OPTN: variants seen among roughly 807,000 people sequenced by gnomAD.
OPTN encodes optineurin.
OPTN carries 54 observed loss-of-function variants against 70.4 expected under a neutral mutation model. The observed-to-expected ratio is 0.77, with a 90% CI of 0.62 to 0.96. The LOEUF is 0.96. Among genes scored for constraint, OPTN ranks in the 40% least tolerant of loss-of-function variants. The probability of loss-of-function intolerance (pLI) is 0.00; values close to 1 mark genes in which losing one functional copy is unlikely to be tolerated. For missense variants in OPTN, 624 were observed against 673.2 expected (o/e 0.93, Z 0.81); for synonymous variants, 256 against 248.5 (o/e 1.03, Z -0.28).
intron 11 of OPTN, among the ~76,000 whole-genome samples, chr10:13,126,453 T>C (rs1177203035): frequency 6.6e-6 from 1 of 151,664 alleles, no homozygotes; most frequent in East Asian, 1.9e-4. Flanking sequence ...GCTAATTTTT[T>C]GTATTTTTAG....
At chr10:13,107,182 C>G (rs1832883402) in intron 1 of OPTN, among the ~76,000 whole-genome samples, 1 of 151,836 alleles carries the variant, frequency 6.6e-6, no homozygotes, top group African/African-American at 2.4e-5. Context: ...CGAGACCGGC[C>G]TGGCTAACAT....
At chr10:13,124,430 G>C (rs1425693989) in intron 9 of OPTN, among the ~76,000 whole-genome samples, 1 of 152,178 alleles carries the variant, frequency 6.6e-6, no homozygotes, top group East Asian at 1.9e-4. Context: ...ACATTGATGT[G>C]AGTAAGCATA....
chr10:13,131,422 G>A (rs932935936), intron 12 of OPTN: 2 of 153,180 alleles, frequency 1.3e-5, no homozygotes, highest in Non-Finnish European at 2.9e-5. Context: ...GACCACACAT[G>A]GGACATGGAT....
intron 14 of OPTN, among the ~76,000 whole-genome samples, chr10:13,136,387 G>A (rs1444570708): frequency 6.8e-6 from 1 of 147,306 alleles, no homozygotes; most frequent in Non-Finnish European, 1.5e-5. Context: ...GCGCACCTGT[G>A]ATCCCAGCTA....
chr10:13,112,005 G>C (rs553729717), intron 4 of OPTN, among the ~76,000 whole-genome samples: 1 of 151,196 alleles, frequency 6.6e-6, no homozygotes, highest in Admixed American at 6.6e-5. Flanking sequence ...CCGCCACCAC[G>C]CCCAGCTAAT....
At chr10:13,107,965 C>A (rs932354619) in intron 1 of OPTN, among the ~76,000 whole-genome samples, 173 bp from the exon 2 acceptor site, 2 of 152,202 alleles carry the variant, frequency 1.3e-5, no homozygotes. Context: ...GGGATTTACT[C>A]ATTGGTCTTG....
At chr10:13,107,125 A>C (rs1371483059) in intron 1 of OPTN, among the ~76,000 whole-genome samples, 2 of 152,118 alleles carry the variant, frequency 1.3e-5, no homozygotes, top group Admixed American at 1.3e-4. Context: ...CTGTAATCCC[A>C]GCACTTTTGG....
chr10:13,110,276 G>A lies in OPTN; in HGVS notation c.169G>A (p.Ala57Thr). 1 of 1,613,844 alleles carries A rather than the reference G, an allele frequency of 6.2e-7. No individual in the cohort carries two copies. ...LLTENHQLKE[A>T]MKLNNQAMKG... ...CCATCACTCTGAACCTCCTGCAGAA[G>A]CCATGAAGCTAAATAATCAAGCCAT... is the stretch of plus-strand genomic sequence containing the variant. Residue 57 changes from alanine (A) to threonine (T), a missense_variant and splice_region_variant, in exon 4 of 15, where the codon GCC becomes ACC. Ala to Thr is a moderately conservative substitution (Grantham distance 58). Transcript: ENST00000378747.
Position 13,127,913 on chromosome 10 carries a change from C to G in OPTN, c.1401+10C>G. 1.9e-6 allele frequency: 3 copies of G among 1,614,036 alleles called. No individual in the cohort carries two copies. The highest frequency in any genetic ancestry group is 2.5e-6 in the Non-Finnish European group (3 of 1,179,978). On this transcript the variant is annotated intron_variant, in intron 12 of 14. Coordinates refer to ENST00000378747, the MANE Select transcript of OPTN (RefSeq NM_001008212.2). ...CATCCTCAGGGCTCAGGTGAGGCAC[C>G]TTCCAAAACCCCAGCTGAGCGAGGC...
At chr10:13,128,643 G>A (rs1433089173) in intron 12 of OPTN, among the ~76,000 whole-genome samples, 2 of 149,878 alleles carry the variant, frequency 1.3e-5, no homozygotes, top group South Asian at 2.1e-4. Context: ...CCTGGGTTCA[G>A]GTGATTCTCC....
At position 13,137,866 on chromosome 10, in the gene OPTN, T is replaced by C. The variant is rs765874243; in HGVS notation, c.*1000T>C. ...TTGTACCTGCAGGCCTGTGGGCTTG[T>C]ACAGTAGATAATTAATTTCTAAAAA... On this transcript the variant is annotated 3_prime_UTR_variant, in exon 15 of 15. Transcript: ENST00000378747. The C allele has an allele frequency of 4.4e-6, 1 of 226,080 alleles. No homozygotes were observed. The highest frequency in any genetic ancestry group is 2.2e-5 in the African/African-American group (1 of 44,960). 14.0% of individuals were successfully genotyped at this position (226,080 alleles called of 1,614,324 possible).
intron 7 of OPTN, among the ~76,000 whole-genome samples, chr10:13,119,767 A>G (rs1478685878): frequency 6.6e-6 from 1 of 152,158 alleles, no homozygotes; most frequent in Admixed American, 6.5e-5. Flanking sequence ...GTGAATTGGT[A>G]TCTCATAGTT....
chr10:13,137,296 AAAGGAAGGAAGGAG>A lies in OPTN; in HGVS notation c.*448_*461del, dbSNP rs1833720803. On this transcript the variant is annotated 3_prime_UTR_variant, in exon 15 of 15. Transcript: ENST00000378747. The stretch of plus-strand genomic sequence containing the variant: ...TCTGTCTCGAAAGAAAGAAAGAAAA[AAAGGAAGGAAGGAG>A]AAGGAAGGAAGGAGAAGAAAAGGTA... 4.7e-5 allele frequency: 15 copies of A among 322,180 alleles called. No individual in the cohort carries two copies. In the South Asian group the frequency reaches 5.9e-4, roughly 13 times the overall value. The allele number at this position is 322,180 out of a possible 1,614,324, so 20.0% of individuals were successfully genotyped here.
At chr10:13,115,476 TATAA>T (rs1564359894) in intron 5 of OPTN, among the ~76,000 whole-genome samples, 3 of 101,942 alleles carry the variant, frequency 2.9e-5, no homozygotes, top group African/African-American at 1.6e-4. Context: ...ATAGAATATA[TATAA>T]TATATTCTAT....
chr10:13,135,612 G>A (rs570199335), intron 14 of OPTN, among the ~76,000 whole-genome samples: 9 of 151,752 alleles, frequency 5.9e-5, no homozygotes, highest in Admixed American at 4.6e-4. Context: ...TCTCCACCAC[G>A]TCTGTCTCCC....
intron 5 of OPTN, among the ~76,000 whole-genome samples, chr10:13,114,930 TTTA>T (rs1180751225): frequency 1.3e-5 from 1 of 74,114 alleles, no homozygotes; most frequent in Non-Finnish European, 2.4e-5. Context: ...TATATCTATA[TTTA>T]TATATATTTA....
At chr10:13,132,017 A>T (rs961345120) in intron 12 of OPTN, 50 bp from the exon 13 acceptor site, 3 of 1,587,318 alleles carry the variant, frequency 1.9e-6, no homozygotes, top group Admixed American at 1.7e-5. Flanking sequence ...CACTGTAAGA[A>T]TCTGCATTCA....
chr10:13,132,011 G>A (rs2131528012), intron 12 of OPTN, 56 bp from the exon 13 acceptor site: 1 of 1,574,834 alleles, frequency 6.3e-7, no homozygotes, highest in Middle Eastern at 1.7e-4. Context: ...CATAAACACT[G>A]TAAGAATCTG....
At chr10:13,121,856 C>G (rs1833359060) in intron 7 of OPTN, among the ~76,000 whole-genome samples, 2 of 152,154 alleles carry the variant, frequency 1.3e-5, no homozygotes, top group African/African-American at 2.4e-5. Flanking sequence ...AAAAAAATTG[C>G]ATGCATCTGT....
Sources: gnomAD v4.1 joint callset for allele counts (sites outside exome capture counted in the v4.1 genomes callset) on GRCh38, gnomAD v4.1.1 for gene constraint, MANE v1.5 for transcripts, NCBI Gene and HGNC (gene_info 2026-07-23, HGNC 2026-07-21) for gene names.